The following NREP variants were observed in gnomAD, a reference collection of about 807,000 sequenced individuals.
The protein encoded by NREP is neuronal regeneration-related protein.
Under a neutral mutation model 8.6 loss-of-function variants are expected in NREP, and 5 were observed. That is an observed-to-expected ratio of 0.58 (90% CI 0.30 to 1.22). NREP has a LOEUF of 1.22. NREP is among the 50% of genes most tolerant of loss of function. The pLI is 0.07. For synonymous variants in NREP, 27 were observed against 28.0 expected, an observed-to-expected ratio of 0.96 and a Z score of 0.11; for missense variants, 86 against 82.5, an observed-to-expected ratio of 1.04 and a Z score of -0.17.
chr5:111,759,937 C>G (rs1400719182), upstream of NREP, among the ~76,000 whole-genome samples: 1 of 152,196 alleles, frequency 6.6e-6, no homozygotes, highest in Non-Finnish European at 1.5e-5. Context: ...TGACTATAGT[C>G]TGACTTTCTA....
chr5:111,938,275 C>T (rs1755737371), intron 2 of NREP, among the ~76,000 whole-genome samples: 1 of 152,078 alleles, frequency 6.6e-6, no homozygotes, highest in Admixed American at 6.6e-5. Flanking sequence ...CTTTCCTTTT[C>T]CAGTTATCCT....
At chr5:111,883,549 C>A (rs1561709270) in intron 2 of NREP, among the ~76,000 whole-genome samples, 1 of 152,160 alleles carries the variant, frequency 6.6e-6, no homozygotes, top group Non-Finnish European at 1.5e-5. Flanking sequence ...CACACCTATT[C>A]CAAAATTGAC....
Position 111,731,054 on chromosome 5 carries a change from GCAGGCAGACCCACACA to G in NREP, c.82-24_82-9del, listed in dbSNP as rs1288583669. ...TGGGACAGGAAGTCTTCCCTGCAAA[GCAGGCAGACCCACACA>G]CAGACAGACACACATAAAAGACAAA... is the stretch of plus-strand genomic sequence containing the variant. On this transcript the variant is annotated splice_polypyrimidine_tract_variant and intron_variant, in intron 3 of 3. Transcript: ENST00000257435. The G allele has an allele frequency of 1.2e-6, 2 of 1,613,590 alleles. No individual in the cohort carries two copies. Among genetic ancestry groups the G allele is most frequent in the Non-Finnish European group, 1.7e-6 (2 of 1,179,696 alleles).
upstream of NREP, among the ~76,000 whole-genome samples, chr5:111,758,779 T>A (rs549408995): frequency 1.3e-5 from 2 of 152,356 alleles, no homozygotes; most frequent in Middle Eastern, 3.4e-3. Context: ...TAGCAAACCT[T>A]AAAAAGCAAT....
chr5:111,766,297 G>A (rs779399411), intron 2 of NREP, among the ~76,000 whole-genome samples: 7 of 152,138 alleles, frequency 4.6e-5, no homozygotes, highest in South Asian at 2.1e-4. Context: ...AGGATTCTGA[G>A]ACTGTTCATA....
chr5:111,929,261 T>C (rs1414177805), intron 2 of NREP, among the ~76,000 whole-genome samples: 1 of 152,206 alleles, frequency 6.6e-6, no homozygotes, highest in Non-Finnish European at 1.5e-5. Context: ...GATATGAATA[T>C]TTTATAAAGT....
chr5:111,919,464 G>C (rs553232777), intron 2 of NREP, among the ~76,000 whole-genome samples: 4 of 152,132 alleles, frequency 2.6e-5, no homozygotes, highest in African/African-American at 9.6e-5. Context: ...CAAAGACTTG[G>C]AATCAACCCA....
At chr5:111,910,777 A>T (rs1166341265) in intron 2 of NREP, among the ~76,000 whole-genome samples, 2 of 152,074 alleles carry the variant, frequency 1.3e-5, no homozygotes, top group African/African-American at 4.8e-5. Flanking sequence ...AAGGGACCTT[A>T]TCTATCTTGG....
At chr5:111,899,426 A>C (rs1056348797) in intron 2 of NREP, among the ~76,000 whole-genome samples, 1 of 152,200 alleles carries the variant, frequency 6.6e-6, no homozygotes, top group Non-Finnish European at 1.5e-5. Context: ...AGGCAGGACA[A>C]TCACGTGAGC....
At chr5:111,945,282 G>T (rs1228007631) in intron 2 of NREP, among the ~76,000 whole-genome samples, 1 of 151,880 alleles carries the variant, frequency 6.6e-6, no homozygotes, top group Non-Finnish European at 1.5e-5. Flanking sequence ...TTCTTATAAA[G>T]AACTTTTTTT....
intron 2 of NREP, among the ~76,000 whole-genome samples, chr5:111,770,310 T>G (rs1751187193): frequency 6.6e-6 from 1 of 152,178 alleles, no homozygotes; most frequent in Non-Finnish European, 1.5e-5. Flanking sequence ...ATTTCATAAA[T>G]TAAATCAATA....
chr5:111,968,700 T>C (rs1469850098), intron 2 of NREP, among the ~76,000 whole-genome samples: 1 of 152,224 alleles, frequency 6.6e-6, no homozygotes, highest in Non-Finnish European at 1.5e-5. Flanking sequence ...TCATGTGTGA[T>C]GCATGCCCTA....
At chr5:111,909,843 C>G (rs992759974) in intron 2 of NREP, among the ~76,000 whole-genome samples, 2 of 152,064 alleles carry the variant, frequency 1.3e-5, no homozygotes, top group Non-Finnish European at 2.9e-5. Flanking sequence ...TTGTGATGAA[C>G]ATGTTATGCA....
intron 2 of NREP, among the ~76,000 whole-genome samples, chr5:111,837,008 A>G (rs907405396): frequency 4.6e-5 from 7 of 152,240 alleles, no homozygotes; most frequent in Non-Finnish European, 7.4e-5. Flanking sequence ...TTTAATTCCA[A>G]TTAAGCCTAA....
intron 2 of NREP, among the ~76,000 whole-genome samples, chr5:111,889,317 CATG>C (rs1419299872): frequency 1.3e-5 from 2 of 152,160 alleles, no homozygotes; most frequent in African/African-American, 4.8e-5. Context: ...AATCAGATCT[CATG>C]ATAACTCACT....
At chr5:111,770,412 T>C (rs1751189319) in intron 2 of NREP, among the ~76,000 whole-genome samples, 1 of 152,180 alleles carries the variant, frequency 6.6e-6, no homozygotes, top group Admixed American at 6.5e-5. Context: ...TAGAATTCAT[T>C]TGAGGTTTTA....
chr5:111,775,490 A>C (rs1751335976), intron 2 of NREP, among the ~76,000 whole-genome samples: 1 of 152,198 alleles, frequency 6.6e-6, no homozygotes, highest in Non-Finnish European at 1.5e-5. Flanking sequence ...GAAAGTTTGC[A>C]ACACAGCAGC....
At chr5:111,897,554 T>C (rs1382105698) in intron 2 of NREP, among the ~76,000 whole-genome samples, 1 of 152,300 alleles carries the variant, frequency 6.6e-6, no homozygotes, top group East Asian at 1.9e-4. Flanking sequence ...TTCTGCTTTC[T>C]TGGCTTGTCT....
At chr5:111,760,763 A>G (rs1298767522), upstream of NREP, among the ~76,000 whole-genome samples, 1 of 152,198 alleles carries the variant, frequency 6.6e-6, no homozygotes, top group Non-Finnish European at 1.5e-5. Context: ...GTATAAGAAA[A>G]TAAAAACCCT....
Sources: gnomAD v4.1 joint callset for allele counts (sites outside exome capture counted in the v4.1 genomes callset) on GRCh38, gnomAD v4.1.1 for gene constraint, MANE v1.5 for transcripts, NCBI Gene and HGNC (gene_info 2026-07-23, HGNC 2026-07-21) for gene names.